IFFO1: variants seen among roughly 807,000 people sequenced by gnomAD.
IFFO1 encodes the protein intermediate filament family orphan 1, also known as non-homologous end joining factor IFFO1.
IFFO1 carries 42 observed loss-of-function variants against 59.6 expected under a neutral mutation model. The observed-to-expected ratio is 0.70, with a 90% CI of 0.55 to 0.91. IFFO1 has a LOEUF of 0.91. IFFO1 is among the 40% of genes least tolerant of loss of function. The probability of loss-of-function intolerance (pLI) is 0.00; values close to 1 mark genes in which losing one functional copy is unlikely to be tolerated. For missense variants in IFFO1, 711 were observed against 793.2 expected (o/e 0.90, Z 1.24); for synonymous variants, 336 against 342.8 (o/e 0.98, Z 0.22).
rs897920520 is a variant in IFFO1 at position 6,541,812 on chromosome 12, G to A, written c.1480-170C>T. Among the ~76,000 whole-genome samples, 10 of 152,252 alleles carry A rather than the reference G, an allele frequency of 6.6e-5. No homozygotes were observed. The highest frequency in any genetic ancestry group is 1.0e-4 in the Non-Finnish European group (7 of 68,042). On this transcript the variant is annotated intron_variant, in intron 8 of 9. Transcript: ENST00000619571. The surrounding 1 kb of genome is among the most constrained non-coding windows in gnomAD (Gnocchi z 4.8). Reference sequence around the variant, plus strand: ...AAACCAGACCAAGGCAGAAGGCAGCGAATACACCATTGTTTCCTCTGCTTT... The same window carrying A: ...AAACCAGACCAAGGCAGAAGGCAGCAAATACACCATTGTTTCCTCTGCTTT...
chr12:6,540,682 C>T (rs567534515), intron 9 of IFFO1, 94 bp from the exon 10 acceptor site: 3 of 1,100,926 alleles, frequency 2.7e-6, no homozygotes, highest in African/African-American at 1.5e-5. Flanking sequence ...TCTGGCAGCC[C>T]GTGAGAAGTA....
Position 6,540,578 on chromosome 12 carries a change from CAGG to C in IFFO1, c.1618_1620del (p.Pro540del), listed in dbSNP as rs747622417. 16 of 1,613,514 alleles carry C rather than the reference CAGG, an allele frequency of 9.9e-6. No individual in the cohort carries two copies. In the South Asian group the frequency reaches 1.5e-4, roughly 15 times the overall value. On this transcript the variant is annotated inframe_deletion, in exon 10 of 10. Coordinates refer to ENST00000619571, the MANE Select transcript of IFFO1 (RefSeq NM_001193457.2). ...TCGCTAAGCGGGACCGCAGTGAAAG[CAGG>C]AGACTTTCTAGAAAAAAACACCAGT...
chr12:6,548,684 G>A lies in IFFO1; in HGVS notation c.1246C>T (p.Arg416Cys), dbSNP rs964795575. Reference sequence around the variant, plus strand: ...CGGACTCACAGCTGGTTGAGCATGCGCTGCATCTCCTCGTTGATGCTGAGG... The same window carrying A: ...CGGACTCACAGCTGGTTGAGCATGCACTGCATCTCCTCGTTGATGCTGAGG... The part of the protein sequence containing the change: ...TALSINEEMQ[R>C]MLNQLREYDF... The change falls in exon 6 of 10, where the codon CGC (arginine) becomes TGC (cysteine). Residue 416 changes from arginine to cysteine, a missense_variant. By Grantham distance (180) the Arg-to-Cys change is radical. This residue lies in a region of IFFO1 where 579 missense variants were observed against 650.3 expected (regional missense o/e 0.89). Coordinates refer to ENST00000619571, the MANE Select transcript of IFFO1 (RefSeq NM_001193457.2). This position sits in a 1 kb window ranked among gnomAD's most constrained non-coding sequence, Gnocchi z 6.1. The A allele has an allele frequency of 1.5e-5, 25 of 1,613,964 alleles. No homozygotes were observed. Among genetic ancestry groups the A allele is most frequent in the African/African-American group, 6.7e-5 (5 of 74,918 alleles).
chr12:6,553,055 AC>A (rs1270726198), intron 1 of IFFO1, among the ~76,000 whole-genome samples: 2 of 152,142 alleles, frequency 1.3e-5, no homozygotes, highest in East Asian at 3.9e-4. Flanking sequence ...TGAAAATAGA[AC>A]GCAGGAGGCC....
In IFFO1 at chr12:6,548,303, G is replaced by T; in HGVS notation, c.1383+122C>A. The T allele has an allele frequency of 7.6e-7, 1 of 1,321,582 alleles. No homozygotes were observed. Among genetic ancestry groups the T allele is most frequent in the South Asian group, 1.3e-5 (1 of 79,878 alleles). The allele number at this position is 1,321,582 out of a possible 1,614,324, so 81.9% of individuals were successfully genotyped here. A position where few individuals can be genotyped will look rare whatever the true frequency, so the allele number is the denominator to read the frequency against. On this transcript the variant is annotated intron_variant, in intron 7 of 9. Transcript: ENST00000619571. The surrounding 1 kb of genome is among the most constrained non-coding windows in gnomAD (Gnocchi z 6.1). ...AGAAAAGCAAAAGGATAAAGGAAGAGGGGAGACGCAGGTAGAGGATGACAG... is the reference window on the plus strand; with the variant it reads ...AGAAAAGCAAAAGGATAAAGGAAGATGGGAGACGCAGGTAGAGGATGACAG...
chr12:6,551,138 G>C (rs1240427118), intron 1 of IFFO1, 137 bp from the exon 2 acceptor site: 1 of 841,054 alleles, frequency 1.2e-6, no homozygotes, highest in Non-Finnish European at 1.9e-6. Context: ...CAGGGCACAG[G>C]AATGCCTGGC....
chr12:6,544,485 G>A (rs1233994387), intron 8 of IFFO1, among the ~76,000 whole-genome samples: 1 of 152,246 alleles, frequency 6.6e-6, no homozygotes, highest in African/African-American at 2.4e-5. Context: ...AGCTTAAAAG[G>A]CATGATTCCA....
Position 6,555,900 on chromosome 12 carries a change from A to G in IFFO1, c.130T>C (p.Ser44Pro). The change falls in exon 1 of 10, where the codon TCG becomes CCG. Residue 44 changes from serine to proline, a missense_variant. Around this residue, in one of 3 missense-constraint regions of IFFO1, gnomAD observed 114 missense variants for 102.4 expected, o/e 1.11. Coordinates refer to ENST00000619571, the MANE Select transcript of IFFO1 (RefSeq NM_001193457.2). The surrounding 1 kb of genome is among the most constrained non-coding windows in gnomAD (Gnocchi z 8.6). Reference protein sequence around the residue: ...GGGDLPPAPLSPAGPAAYSPP... With the variant: ...GGGDLPPAPLPPAGPAAYSPP... ...GAGTAGGCAGCAGGGCCGGCCGGCG[A>G]GAGAGGCGCCGGGGGCAAGTCTCCT... is the stretch of plus-strand genomic sequence containing the variant. 6.4e-7 allele frequency: 1 copy of G among 1,560,072 alleles called. No homozygotes were observed. Among genetic ancestry groups the G allele is most frequent in the Non-Finnish European group, 8.6e-7 (1 of 1,156,696 alleles).
At chr12:6,553,059 A>G (rs1003198729) in intron 1 of IFFO1, among the ~76,000 whole-genome samples, 4 of 152,194 alleles carry the variant, frequency 2.6e-5, no homozygotes, top group African/African-American at 9.7e-5. Context: ...AATAGAACGC[A>G]GGAGGCCTTT....
chr12:6,540,621 C>T (rs765382192), intron 9 of IFFO1, 33 bp from the exon 10 acceptor site: 1 of 1,573,642 alleles, frequency 6.4e-7, no homozygotes, highest in South Asian at 1.1e-5. Flanking sequence ...AACCTTGGGG[C>T]AGGCAGGAAT....
At chr12:6,542,267 G>C (rs1946751849) in intron 8 of IFFO1, among the ~76,000 whole-genome samples, 1 of 152,192 alleles carries the variant, frequency 6.6e-6, no homozygotes, top group Non-Finnish European at 1.5e-5. Context: ...TTGATTCTGA[G>C]ACCTGTCCTG....
In IFFO1 at chr12:6,540,462, G is replaced by A. The variant is rs1346475121; in HGVS notation, c.*21C>T. ...GAGCTCCCTGCTGCGAGGGCCTCGGGTGCAAGGGGGAGGCAGGTCTCTATC... is the reference window on the plus strand; with the variant it reads ...GAGCTCCCTGCTGCGAGGGCCTCGGATGCAAGGGGGAGGCAGGTCTCTATC... On this transcript the variant is annotated 3_prime_UTR_variant, in exon 10 of 10. Coordinates refer to ENST00000619571, the MANE Select transcript of IFFO1 (RefSeq NM_001193457.2). The A allele has an allele frequency of 6.3e-7, 1 of 1,586,870 alleles. No individual in the cohort carries two copies. Among genetic ancestry groups the A allele is most frequent in the Non-Finnish European group, 8.7e-7 (1 of 1,155,372 alleles).
rs901473201 is a variant in IFFO1, at chr12:6,555,595, C to A, written c.435G>T (p.Pro145=). 5.3e-5 allele frequency: 75 copies of A among 1,410,000 alleles called. No homozygotes were observed. Among genetic ancestry groups the A allele is most frequent in the Non-Finnish European group, 6.4e-5 (70 of 1,087,632 alleles). 87.3% of individuals were successfully genotyped at this position (1,410,000 alleles called of 1,614,324 possible). The change falls in exon 1 of 10, where the codon CCG becomes CCT. Residue 145 remains proline, a synonymous_variant. Transcript: ENST00000619571. The surrounding 1 kb of genome is among the most constrained non-coding windows in gnomAD (Gnocchi z 8.6). ...GCGCCGAAGGGCTGCAGACAGCGGC[C>A]GGCCGGGCGCCCAGCTGCAGCCCCA... ...RPLGLQLGAR[P]AAVCSPSARV...
At chr12:6,540,619 G>C (rs1393386887) in intron 9 of IFFO1, 31 bp from the exon 10 acceptor site, 2 of 1,578,872 alleles carry the variant, frequency 1.3e-6, no homozygotes, top group East Asian at 4.5e-5. Context: ...TCAACCTTGG[G>C]GCAGGCAGGA....
At position 6,555,546 on chromosome 12, in the gene IFFO1, A is replaced by G; in HGVS notation, c.484T>C (p.Ser162Pro). The G allele has an allele frequency of 6.5e-7, 1 of 1,532,874 alleles. No homozygotes were observed. Among genetic ancestry groups the G allele is most frequent in the Non-Finnish European group, 8.8e-7 (1 of 1,141,604 alleles). 95.0% of individuals were successfully genotyped at this position (1,532,874 alleles called of 1,614,324 possible). A position where few individuals can be genotyped will look rare whatever the true frequency, so the allele number is the denominator to read the frequency against. Residue 162 changes from serine to proline, a missense_variant, in exon 1 of 10, where the codon TCC becomes CCC. By Grantham distance (74) the Ser-to-Pro change is moderately conservative. Coordinates refer to ENST00000619571, the MANE Select transcript of IFFO1 (RefSeq NM_001193457.2). This position sits in a 1 kb window ranked among gnomAD's most constrained non-coding sequence, Gnocchi z 8.6. ...GAGGGCGCGAGGGGGCCGGCCGGGG[A>G]GCGCGCGGGCGAGCCCAGCACGCGC... ...SARVLGSPAR[S>P]PAGPLAPSAA...
downstream of IFFO1, chr12:6,539,443 A>C (rs1946592467): frequency 6.6e-6 from 1 of 150,778 alleles, no homozygotes; most frequent in Admixed American, 6.6e-5. Context: ...AGAGTATGAG[A>C]CTCCATCTCA....
rs2136156709 is a variant in IFFO1, at chr12:6,555,877, G to A, written c.153C>T (p.Tyr51=). 1 of 1,603,648 alleles carries A rather than the reference G, an allele frequency of 6.2e-7. No homozygotes were observed. The highest frequency in any genetic ancestry group is 2.3e-5 in the East Asian group (1 of 44,430). The part of the protein sequence containing the change: ...APLSPAGPAA[Y]SPPGPGPAPP... ...GGGCCGGGCCCGGCCCGGGCGGCGA[G>A]TAGGCAGCAGGGCCGGCCGGCGAGA... The change falls in exon 1 of 10, where the codon TAC becomes TAT. Residue 51 remains tyrosine, a synonymous_variant. Coordinates refer to ENST00000619571, the MANE Select transcript of IFFO1 (RefSeq NM_001193457.2). This position sits in a 1 kb window ranked among gnomAD's most constrained non-coding sequence, Gnocchi z 8.6.
chr12:6,540,939 A>G lies in IFFO1; in HGVS notation c.1611-351T>C, dbSNP rs576182629. ...CCCCATCTCTACTAAAAATGCAAAA[A>G]TTAGCCAGGTGTGGTGGCGGGCGCC... On this transcript the variant is annotated intron_variant, in intron 9 of 9. Coordinates refer to ENST00000619571, the MANE Select transcript of IFFO1 (RefSeq NM_001193457.2). Among the ~76,000 whole-genome samples the G allele has an allele frequency of 9.2e-5, 14 of 151,524 alleles. No homozygotes were observed. In the East Asian group the frequency reaches 2.7e-3, roughly 30 times the overall value.
chr12:6,547,916 C>T (rs889390326), intron 8 of IFFO1, 149 bp downstream of exon 8: 13 of 678,902 alleles, frequency 1.9e-5, no homozygotes, highest in Admixed American at 1.6e-4. Context: ...GTCTTCAGAG[C>T]CCACCAGGAG....
Sources: allele counts gnomAD v4.1 joint callset (sites outside exome capture counted in the v4.1 genomes callset), GRCh38; gene constraint gnomAD v4.1.1; regional missense constraint gnomAD v4.1.1; non-coding constraint Gnocchi (gnomAD v3.1); transcripts MANE v1.5; gene names NCBI Gene and HGNC (gene_info 2026-07-23, HGNC 2026-07-21).